Variants in LIN7A observed in about 807,000 individuals in gnomAD.
The protein encoded by LIN7A is protein lin-7 homolog A.
A neutral mutation model predicts 29.8 loss-of-function variants in LIN7A; 25 were observed. The observed-to-expected ratio is 0.84, with a 90% CI of 0.61 to 1.17. The LOEUF is 1.17. Ranked by LOEUF, LIN7A falls within the 50% of genes most tolerant of loss-of-function variation. LIN7A has a pLI of 0.00. For missense variants in LIN7A, 239 were observed against 287.0 expected, an observed-to-expected ratio of 0.83 and a Z score of 1.21; for synonymous variants, 118 against 107.5, an observed-to-expected ratio of 1.10 and a Z score of -0.60.
intron 1 of LIN7A, among the ~76,000 whole-genome samples, chr12:80,924,158 A>C (rs1362091490): frequency 6.6e-6 from 1 of 152,212 alleles, no homozygotes; most frequent in East Asian, 1.9e-4. Context: ...TCATTAGGCT[A>C]TCATTTACTT....
chr12:80,886,148 C>T (rs1875313770), intron 2 of LIN7A, among the ~76,000 whole-genome samples: 1 of 151,858 alleles, frequency 6.6e-6, no homozygotes, highest in African/African-American at 2.4e-5. Context: ...TTCTGAAAAA[C>T]TCAGATAACC....
At chr12:80,819,804 C>T (rs1298255788) in intron 4 of LIN7A, among the ~76,000 whole-genome samples, 2 of 152,184 alleles carry the variant, frequency 1.3e-5, no homozygotes, top group African/African-American at 2.4e-5. Context: ...CTAGGATTTA[C>T]AAAGCGTCCA....
intron 2 of LIN7A, among the ~76,000 whole-genome samples, chr12:80,849,847 G>C (rs1873245383): frequency 6.6e-6 from 1 of 151,968 alleles, no homozygotes; most frequent in South Asian, 2.1e-4. Flanking sequence ...TTCAAATATT[G>C]TCTCCTCTAT....
chr12:80,913,540 C>T (rs772563103), intron 1 of LIN7A, among the ~76,000 whole-genome samples: 3 of 152,118 alleles, frequency 2.0e-5, no homozygotes, highest in Non-Finnish European at 2.9e-5. Flanking sequence ...TGAGGCAATA[C>T]CAGCCGGAGA....
rs756442179 is a variant in LIN7A at position 80,845,968 on chromosome 12, T to A, written c.274-29A>T. On this transcript the variant is annotated intron_variant, in intron 3 of 5. Coordinates refer to ENST00000552864, the MANE Select transcript of LIN7A (RefSeq NM_004664.4). ...AAAAAAAAAAAAAAAGATGGTCTTTTGGTAATAAAATGAGGGAAATAAAGG... is the reference window on the plus strand; with the variant it reads ...AAAAAAAAAAAAAAAGATGGTCTTTAGGTAATAAAATGAGGGAAATAAAGG... The A allele has an allele frequency of 6.4e-6, 10 of 1,561,590 alleles. No homozygotes were observed. In the African/African-American group the frequency reaches 1.4e-4, roughly 22 times the overall value.
At chr12:80,844,967 G>T (rs1436183830) in intron 4 of LIN7A, among the ~76,000 whole-genome samples, 1 of 152,020 alleles carries the variant, frequency 6.6e-6, no homozygotes, top group Non-Finnish European at 1.5e-5. Context: ...GGCCGGGCGC[G>T]ATGGTTCACG....
chr12:80,904,630 G>A (rs757654438), intron 1 of LIN7A, among the ~76,000 whole-genome samples: 1 of 152,082 alleles, frequency 6.6e-6, no homozygotes, highest in African/African-American at 2.4e-5. Context: ...TTTCAAGACT[G>A]AATGATACAT....
At chr12:80,909,301 A>G (rs575906225) in intron 1 of LIN7A, among the ~76,000 whole-genome samples, 96 of 152,222 alleles carry the variant, frequency 6.3e-4, no homozygotes, top group African/African-American at 2.2e-3. Flanking sequence ...TCTGGACTGT[A>G]TTCTATTTCA....
rs56000415 is a variant in LIN7A at position 80,882,287 on chromosome 12, C to CTTTTTTTTTTTTTTTTTTTTTTTTTTTT, written c.201+6963_201+6964insAAAAAAAAAAAAAAAAAAAAAAAAAAAA. Among the ~76,000 whole-genome samples, 25 of 87,692 alleles carry CTTTTTTTTTTTTTTTTTTTTTTTTTTTT rather than the reference C, an allele frequency of 2.9e-4. 6 individuals carry two copies. Among genetic ancestry groups the CTTTTTTTTTTTTTTTTTTTTTTTTTTTT allele is most frequent in the Non-Finnish European group, 4.3e-4 (15 of 35,014 alleles). 57.5% of individuals were successfully genotyped at this position (87,692 alleles called of 152,430 possible). On this transcript the variant is annotated intron_variant, in intron 2 of 5. Transcript: ENST00000552864. ...ACAGTACTATCATTTTTCTTTCATT[C>CTTTTTTTTTTTTTTTTTTTTTTTTTTTT]TTTTTTTTTTTTTTTGAGACGGAGT... is the stretch of plus-strand genomic sequence containing the variant.
chr12:80,858,308 A>C (rs1005360526), intron 2 of LIN7A, among the ~76,000 whole-genome samples: 1 of 152,152 alleles, frequency 6.6e-6, no homozygotes, highest in African/African-American at 2.4e-5. Flanking sequence ...AAGCTATGCT[A>C]TTAATCTTAA....
At position 80,889,275 on chromosome 12, in the gene LIN7A, A is replaced by G; in HGVS notation, c.177T>C (p.Ser59=). 1 of 1,610,312 alleles carries G rather than the reference A, an allele frequency of 6.2e-7. No individual in the cohort carries two copies. The highest frequency in any genetic ancestry group is 8.5e-7 in the Non-Finnish European group (1 of 1,176,976). ...KLQSLKKVLQ[S]EFCTAIREVY... is the part of the protein sequence containing the mutation. ...CCTCTCGAATAGCTGTACAAAACTC[A>G]CTCTGAAGCACTTTTTTGAGGGATT... The change falls in exon 2 of 6, where the codon AGT becomes AGC. Residue 59 remains serine, a synonymous_variant. Coordinates refer to ENST00000552864, the MANE Select transcript of LIN7A (RefSeq NM_004664.4).
chr12:80,829,946 ATGCACTCTCG>A lies in LIN7A; in HGVS notation c.483+15774_483+15783del, dbSNP rs1251979858. ...TTGCAATCATAGTAATCATTCCAAA[ATGCACTCTCG>A]TGCTTAAAATAATTACATGTGCCTG... On this transcript the variant is annotated intron_variant, in intron 4 of 5. Coordinates refer to ENST00000552864, the MANE Select transcript of LIN7A (RefSeq NM_004664.4). Among the ~76,000 whole-genome samples the A allele has an allele frequency of 2.6e-5, 4 of 152,184 alleles. No homozygotes were observed. The East Asian group carries it at 7.7e-4, about 29-fold the overall frequency.
chr12:80,850,159 C>A lies in LIN7A; in HGVS notation c.202-1837G>T, dbSNP rs1318620499. Among the ~76,000 whole-genome samples the A allele has an allele frequency of 2.0e-5, 3 of 152,178 alleles. No individual in the cohort carries two copies. The East Asian group carries it at 5.8e-4, about 29-fold the overall frequency. ...ATTAGAAAGTGGTATATTCAAGGAG[C>A]AATACTGTGTAGTAGATAATTTCAC... On this transcript the variant is annotated intron_variant, in intron 2 of 5. Coordinates refer to ENST00000552864, the MANE Select transcript of LIN7A (RefSeq NM_004664.4).
In LIN7A at chr12:80,859,232, A is replaced by G. The variant is rs534746359; in HGVS notation, c.202-10910T>C. On this transcript the variant is annotated intron_variant, in intron 2 of 5. Transcript: ENST00000552864. ...GTTTGGGAGGTGAGAGATGTTAACA[A>G]CAGTGAGTATAATTAGGGAGCAAAC... Among the ~76,000 whole-genome samples, 2 of 152,308 alleles carry G rather than the reference A, an allele frequency of 1.3e-5. 1 individual carries two copies. Among genetic ancestry groups the G allele is most frequent in the African/African-American group, 4.8e-5 (2 of 41,580 alleles).
At chr12:80,870,899 A>G (rs1199267670) in intron 2 of LIN7A, among the ~76,000 whole-genome samples, 5 of 152,248 alleles carry the variant, frequency 3.3e-5, no homozygotes, top group African/African-American at 1.2e-4. Context: ...TTGTATGTGA[A>G]AACTTCAAAT....
intron 2 of LIN7A, among the ~76,000 whole-genome samples, chr12:80,869,555 C>A (rs1463883091): frequency 6.6e-6 from 1 of 152,008 alleles, no homozygotes; most frequent in African/African-American, 2.4e-5. Flanking sequence ...CCTCTGACTT[C>A]TTTTTATCAC....
intron 4 of LIN7A, among the ~76,000 whole-genome samples, chr12:80,845,341 C>T (rs1873021254): frequency 6.6e-6 from 1 of 151,710 alleles, no homozygotes; most frequent in African/African-American, 2.4e-5. Flanking sequence ...AAATGAAAAA[C>T]CCACACACAT....
chr12:80,816,832 G>A (rs1565888089), intron 4 of LIN7A, among the ~76,000 whole-genome samples: 1 of 152,250 alleles, frequency 6.6e-6, no homozygotes, highest in East Asian at 1.9e-4. Flanking sequence ...GCAATGGCAC[G>A]ATCTTGGCTT....
At chr12:80,842,058 T>C (rs1872847639) in intron 4 of LIN7A, 4 of 1,285,992 alleles carry the variant, frequency 3.1e-6, no homozygotes, top group Admixed American at 2.3e-5. Context: ...TGCCTAGGGA[T>C]AGAAAAAATT....
Sources: gnomAD v4.1 joint callset for allele counts (sites outside exome capture counted in the v4.1 genomes callset) on GRCh38, gnomAD v4.1.1 for gene constraint, MANE v1.5 for transcripts, NCBI Gene and HGNC (gene_info 2026-07-23, HGNC 2026-07-21) for gene names.